Variants in TCF12 observed in about 807,000 individuals in gnomAD.
TCF12 encodes transcription factor 12.
TCF12 carries 45 observed loss-of-function variants against 86.0 expected under a neutral mutation model. The observed-to-expected ratio is 0.52, with a 90% CI of 0.41 to 0.67. The LOEUF is 0.67. Among genes scored for constraint, TCF12 ranks in the 30% least tolerant of loss-of-function variants. TCF12 has a pLI of 0.00. For synonymous variants in TCF12, 330 were observed against 299.6 expected, an observed-to-expected ratio of 1.10 and a Z score of -1.05; for missense variants, 881 against 859.9, an observed-to-expected ratio of 1.02 and a Z score of -0.31.
chr15:57,236,137 T>G (rs2059371202), intron 12 of TCF12, among the ~76,000 whole-genome samples: 1 of 152,192 alleles, frequency 6.6e-6, no homozygotes, highest in South Asian at 2.1e-4. Flanking sequence ...CTGACGGTGA[T>G]GCATTCCATC....
At chr15:57,168,281 G>A (rs1319873650) in intron 6 of TCF12, among the ~76,000 whole-genome samples, 5 of 152,090 alleles carry the variant, frequency 3.3e-5, no homozygotes, top group African/African-American at 7.2e-5. Context: ...CCAGCATACC[G>A]CTCATGCCTA....
At chr15:57,136,959 T>TTTTG (rs2052576062) in intron 5 of TCF12, among the ~76,000 whole-genome samples, 1 of 4,164 alleles carries the variant, frequency 2.4e-4, no homozygotes. Context: ...CTTCTGGCAG[T>TTTTG]TTTTTTTTTT....
At chr15:57,060,998 T>C (rs2068419958) in intron 3 of TCF12, among the ~76,000 whole-genome samples, 1 of 152,234 alleles carries the variant, frequency 6.6e-6, no homozygotes, top group Non-Finnish European at 1.5e-5. Context: ...ACAATAAAAC[T>C]ACAGAGCTTG....
intron 3 of TCF12, among the ~76,000 whole-genome samples, chr15:56,946,447 T>C (rs1389935129): frequency 6.6e-6 from 1 of 152,192 alleles, no homozygotes; most frequent in Non-Finnish European, 1.5e-5. Flanking sequence ...GTTTTTAGAT[T>C]GTCTTGCATT....
At chr15:57,127,209 C>G (rs2051727918) in intron 5 of TCF12, among the ~76,000 whole-genome samples, 1 of 152,066 alleles carries the variant, frequency 6.6e-6, no homozygotes, top group Non-Finnish European at 1.5e-5. Context: ...TCTCGAACTC[C>G]TGACCTTAGG....
At chr15:57,208,380 C>CTTTTT (rs1184422578) in intron 8 of TCF12, among the ~76,000 whole-genome samples, 1,211 of 65,480 alleles carry the variant, frequency 0.018, 161 homozygotes, top group South Asian at 0.05. Context: ...CAAAAATATC[C>CTTTTT]TTTTTTTTTT....
intron 6 of TCF12, among the ~76,000 whole-genome samples, chr15:57,170,777 TAATATA>T (rs2055407682): frequency 2.7e-4 from 1 of 3,640 alleles, no homozygotes; most frequent in African/African-American, 5.6e-4. Context: ...ATATTATATA[TAATATA>T]TATATATAAT....
chr15:57,126,157 G>A (rs900577369), intron 5 of TCF12, among the ~76,000 whole-genome samples: 1 of 152,140 alleles, frequency 6.6e-6, no homozygotes, highest in Non-Finnish European at 1.5e-5. Flanking sequence ...GAGAGGATCA[G>A]TTGAGCTCAG....
intron 18 of TCF12, among the ~76,000 whole-genome samples, chr15:57,269,903 G>A (rs766904690): frequency 2.0e-4 from 31 of 152,176 alleles, no homozygotes; most frequent in Non-Finnish European, 3.7e-4. Flanking sequence ...CTTCTGGCTT[G>A]TAGGGTTTCT....
chr15:57,075,810 C>CTCTCTCTCTCTA (rs2069902731), intron 4 of TCF12, among the ~76,000 whole-genome samples: 1 of 65,376 alleles, frequency 1.5e-5, no homozygotes, highest in South Asian at 6.5e-4. Context: ...TTCTTTCTCT[C>CTCTCTCTCTCTA]TCTCTCTCTC....
chr15:57,236,885 A>C (rs2059402595), intron 12 of TCF12, among the ~76,000 whole-genome samples: 2 of 151,878 alleles, frequency 1.3e-5, no homozygotes, highest in African/African-American at 4.8e-5. Flanking sequence ...GGAAAGGAAA[A>C]TCTGGGTATT....
At chr15:57,236,618 G>A (rs1373546525) in intron 12 of TCF12, among the ~76,000 whole-genome samples, 1 of 151,988 alleles carries the variant, frequency 6.6e-6, no homozygotes, top group Non-Finnish European at 1.5e-5. Context: ...AACATCAGAG[G>A]GTACAACCTT....
intron 3 of TCF12, among the ~76,000 whole-genome samples, chr15:56,942,714 A>C (rs1231061565): frequency 6.6e-6 from 1 of 152,196 alleles, no homozygotes; most frequent in Non-Finnish European, 1.5e-5. Context: ...TTGAGGCAAA[A>C]TCTAAAGTAA....
At chr15:57,223,703 T>C (rs1201169988) in intron 8 of TCF12, among the ~76,000 whole-genome samples, 2 of 140,798 alleles carry the variant, frequency 1.4e-5, no homozygotes, top group East Asian at 2.2e-4. Context: ...TAAAATTACA[T>C]TGTAAATACT....
rs188539423 is a variant in TCF12, at chr15:57,289,275, G to A, written c.*3130G>A. 59 of 152,114 alleles carry A rather than the reference G, an allele frequency of 3.9e-4. No homozygotes were observed. The highest frequency in any genetic ancestry group is 1.4e-3 in the African/African-American group (57 of 41,510). 9.4% of individuals were successfully genotyped at this position (152,114 alleles called of 1,614,324 possible). On this transcript the variant is annotated 3_prime_UTR_variant, in exon 21 of 21. Coordinates refer to ENST00000333725, the MANE Select transcript of TCF12 (RefSeq NM_207037.2). ...TTGTTAAGTTGATTTTATACAAAACGATAAATAAAAAGCTCTAAGAAGAAA... is the reference window on the plus strand; with the variant it reads ...TTGTTAAGTTGATTTTATACAAAACAATAAATAAAAAGCTCTAAGAAGAAA...
chr15:57,272,954 C>T, intron 18 of TCF12, 76 bp from the exon 19 acceptor site: 2 of 1,369,966 alleles, frequency 1.5e-6, no homozygotes, highest in Non-Finnish European at 2.0e-6. Context: ...CATCTTTACG[C>T]TTTATAATTG....
intron 6 of TCF12, among the ~76,000 whole-genome samples, chr15:57,182,884 T>C (rs1334192346): frequency 1.3e-5 from 2 of 152,176 alleles, no homozygotes; most frequent in Non-Finnish European, 2.9e-5. Context: ...CACAAATTCA[T>C]TTATAAATCA....
rs1034093059 is a variant in TCF12 at position 57,140,659 on chromosome 15, C to T, written c.326-25743C>T. ...TTTATTTAACTATTTATTTGGGACA[C>T]ATAGTGGGCTAAGCCTTTGTGTATA... On this transcript the variant is annotated intron_variant, in intron 5 of 20. Coordinates refer to ENST00000333725, the MANE Select transcript of TCF12 (RefSeq NM_207037.2). Among the ~76,000 whole-genome samples the T allele has an allele frequency of 1.8e-4, 27 of 152,166 alleles. 1 individual carries two copies. The highest frequency in any genetic ancestry group is 2.9e-5 in the Non-Finnish European group (2 of 68,030).
intron 3 of TCF12, among the ~76,000 whole-genome samples, chr15:56,926,455 G>A (rs2060020271): frequency 6.6e-6 from 1 of 152,188 alleles, no homozygotes; most frequent in Admixed American, 6.5e-5. Flanking sequence ...GTGCTGAAGA[G>A]TCAGGGAACT....
Sources: gnomAD v4.1 joint callset for allele counts (sites outside exome capture counted in the v4.1 genomes callset) on GRCh38, gnomAD v4.1.1 for gene constraint, MANE v1.5 for transcripts, NCBI Gene and HGNC (gene_info 2026-07-23, HGNC 2026-07-21) for gene names.